The following MAF variants were observed in gnomAD, a reference collection of about 807,000 sequenced individuals.
MAF encodes the protein MAF bZIP transcription factor.
MAF carries 10 observed loss-of-function variants against 22.0 expected under a neutral mutation model. The observed-to-expected ratio is 0.45, with a 90% CI of 0.28 to 0.77. MAF has a LOEUF of 0.77. MAF is among the 30% of genes least tolerant of loss of function. The pLI is 0.12. For missense variants in MAF, 544 were observed against 548.4 expected (o/e 0.99, Z 0.08); for synonymous variants, 337 against 255.8 (o/e 1.32, Z -3.03).
chr16:79,374,414 T>C, the MAF span, among the ~76,000 whole-genome samples: 1 of 152,230 alleles, frequency 6.6e-6, no homozygotes, highest in East Asian at 1.9e-4. Flanking sequence ...CCAAGCTTCA[T>C]CTCTGCTTTT....
the MAF span, among the ~76,000 whole-genome samples, chr16:79,438,703 G>T: frequency 6.6e-6 from 1 of 152,134 alleles, no homozygotes; most frequent in Non-Finnish European, 1.5e-5. Context: ...CTCTTGGCAC[G>T]GTCCTCCGTC....
chr16:79,517,676 G>C, the MAF span, among the ~76,000 whole-genome samples: 8 of 149,864 alleles, frequency 5.3e-5, no homozygotes, highest in Non-Finnish European at 1.2e-4. Flanking sequence ...CTGGGTTCCA[G>C]TGATTCTCCT....
At chr16:79,587,684 T>C (rs1912930482) in intron 1 of MAF, among the ~76,000 whole-genome samples, 1 of 152,112 alleles carries the variant, frequency 6.6e-6, no homozygotes. Flanking sequence ...ACCATATCAT[T>C]GATAGTCTCC....
the MAF span, among the ~76,000 whole-genome samples, chr16:79,449,280 C>G: frequency 2.0e-5 from 3 of 152,202 alleles, no homozygotes; most frequent in Non-Finnish European, 2.9e-5. Context: ...CTGCCCAGTT[C>G]CTAACAGGCC....
chr16:79,600,498 T>C lies in MAF; in HGVS notation c.-596A>G. 5.1e-6 allele frequency: 1 copy of C among 194,186 alleles called. No individual in the cohort carries two copies. The highest frequency in any genetic ancestry group is 1.2e-5 in the Non-Finnish European group (1 of 84,416). 12.0% of individuals were successfully genotyped at this position (194,186 alleles called of 1,614,324 possible). A position where few individuals can be genotyped will look rare whatever the true frequency, so the allele number is the denominator to read the frequency against. ...TCTCTTTATTATTTTTTTTCTTTCCTCTCTCTCCCTCGCGCGCTCTCTACC... is the reference window on the plus strand; with the variant it reads ...TCTCTTTATTATTTTTTTTCTTTCCCCTCTCTCCCTCGCGCGCTCTCTACC... On this transcript the variant is annotated 5_prime_UTR_variant, in exon 1 of 2. Transcript: ENST00000326043.
chr16:79,338,176 T>C, the MAF span, among the ~76,000 whole-genome samples: 1 of 152,118 alleles, frequency 6.6e-6, no homozygotes, highest in Non-Finnish European at 1.5e-5. Flanking sequence ...GTGAAATGCA[T>C]ATATGGAGAC....
the MAF span, among the ~76,000 whole-genome samples, chr16:79,402,104 G>C: frequency 1.3e-5 from 2 of 152,184 alleles, no homozygotes; most frequent in African/African-American, 4.8e-5. Flanking sequence ...TTCTCTAGCT[G>C]CCTGAGGCTA....
the MAF span, among the ~76,000 whole-genome samples, chr16:79,484,530 G>A: frequency 6.6e-6 from 1 of 152,210 alleles, no homozygotes; most frequent in Non-Finnish European, 1.5e-5. Context: ...TTTGGTCCCT[G>A]CTATGGTGGG....
the MAF span, among the ~76,000 whole-genome samples, chr16:79,467,717 G>T: frequency 6.6e-6 from 1 of 152,106 alleles, no homozygotes; most frequent in Admixed American, 6.6e-5. Context: ...CCTGCAGTCT[G>T]CGTCCTAACA....
chr16:79,547,197 C>G, the MAF span, among the ~76,000 whole-genome samples: 1 of 151,886 alleles, frequency 6.6e-6, no homozygotes, highest in Non-Finnish European at 1.5e-5. Context: ...AAACACACAT[C>G]CCTCCATGCA....
At chr16:79,554,428 G>A in the MAF span, among the ~76,000 whole-genome samples, 3 of 152,250 alleles carry the variant, frequency 2.0e-5, no homozygotes, top group South Asian at 6.2e-4. Flanking sequence ...CTGAGACAGA[G>A]GAAAAGACTC....
the MAF span, among the ~76,000 whole-genome samples, chr16:79,564,165 T>C: frequency 6.6e-6 from 1 of 152,236 alleles, no homozygotes; most frequent in Non-Finnish European, 1.5e-5. Context: ...CATAATTAAA[T>C]GCAAAGTCCT....
the MAF span, among the ~76,000 whole-genome samples, chr16:79,284,776 A>G: frequency 6.6e-6 from 1 of 152,086 alleles, no homozygotes; most frequent in African/African-American, 2.4e-5. Flanking sequence ...TCTGGGCACT[A>G]TGAGGGCTCA....
At chr16:79,455,811 A>T in the MAF span, among the ~76,000 whole-genome samples, 2 of 152,200 alleles carry the variant, frequency 1.3e-5, no homozygotes, top group Non-Finnish European at 2.9e-5. Flanking sequence ...TGAGGTCAGG[A>T]GGTTGAGACC....
chr16:79,285,122 C>A, the MAF span, among the ~76,000 whole-genome samples: 1 of 152,130 alleles, frequency 6.6e-6, no homozygotes, highest in Non-Finnish European at 1.5e-5. Context: ...TTTAAGAGTT[C>A]CTGACCCATT....
the MAF span, among the ~76,000 whole-genome samples, chr16:79,563,632 CTT>C: frequency 2.3e-3 from 346 of 151,892 alleles, 1 homozygote; most frequent in Middle Eastern, 0.014. Context: ...AGCTGTTTCT[CTT>C]TACTTTTTTA....
chr16:79,301,239 A>G, the MAF span, among the ~76,000 whole-genome samples: 1 of 152,138 alleles, frequency 6.6e-6, no homozygotes, highest in Non-Finnish European at 1.5e-5. Context: ...AGGACGGGAC[A>G]GGGGGAAGCG....
chr16:79,374,810 T>C, the MAF span, among the ~76,000 whole-genome samples: 1 of 152,220 alleles, frequency 6.6e-6, no homozygotes, highest in Admixed American at 6.5e-5. Context: ...TTGTGTTTTA[T>C]AGTATCTCAT....
Position 79,594,028 on chromosome 16 carries a change from C to A in MAF, c.*432G>T. On this transcript the variant is annotated 3_prime_UTR_variant, in exon 2 of 2. Coordinates refer to ENST00000326043, the MANE Select transcript of MAF (RefSeq NM_005360.5). ...GAAGGGGAGTCGAATATCTATTTTTCTTCTTAGTAAAATTATCTGCCAGAG... is the reference window on the plus strand; with the variant it reads ...GAAGGGGAGTCGAATATCTATTTTTATTCTTAGTAAAATTATCTGCCAGAG... 4.4e-6 allele frequency: 1 copy of A among 227,740 alleles called. No homozygotes were observed. Among genetic ancestry groups the A allele is most frequent in the Admixed American group, 5.2e-5 (1 of 19,408 alleles). The allele number at this position is 227,740 out of a possible 1,614,324, so 14.1% of individuals were successfully genotyped here.
Sources: gnomAD v4.1 joint callset for allele counts (sites outside exome capture counted in the v4.1 genomes callset) on GRCh38, gnomAD v4.1.1 for gene constraint, MANE v1.5 for transcripts, NCBI Gene and HGNC (gene_info 2026-07-23, HGNC 2026-07-21) for gene names.